The following GCN1 variants were observed in gnomAD, a reference collection of about 807,000 sequenced individuals.
The protein encoded by GCN1 is GCN1 activator of EIF2AK4.
In GCN1, 90 loss-of-function variants were observed where a neutral mutation model predicts 288.4. The observed-to-expected ratio is 0.31, with a 90% CI of 0.26 to 0.37. The LOEUF is 0.37. Ranked by LOEUF, GCN1 falls within the 10% of genes least tolerant of loss-of-function variation. The pLI is 1.00. For missense variants in GCN1, 2,586 were observed against 3,419.9 expected, an observed-to-expected ratio of 0.76 and a Z score of 6.08; for synonymous variants, 1,386 against 1,420.2, an observed-to-expected ratio of 0.98 and a Z score of 0.54.
Position 120,134,462 on chromosome 12 carries a change from C to T in GCN1, c.7203-57G>A. 6.3e-7 allele frequency: 1 copy of T among 1,592,602 alleles called. No individual in the cohort carries two copies. The highest frequency in any genetic ancestry group is 8.6e-7 in the Non-Finnish European group (1 of 1,160,990). ...GGTGCCTCCACCACCACCCCTCCTG[C>T]CAGCGCAGGCTCGGCCCACAGCAAC... On this transcript the variant is annotated intron_variant, in intron 52 of 57. Transcript: ENST00000300648. The surrounding 1 kb of genome is among the most constrained non-coding windows in gnomAD (Gnocchi z 5.0).
In GCN1 at chr12:120,178,859, C is replaced by G; in HGVS notation, c.518G>C (p.Trp173Ser). Residue 173 changes from tryptophan to serine, a missense_variant, in exon 6 of 58, where the codon TGG (tryptophan) becomes TCG (serine). Transcript: ENST00000300648. ...DGAVKKLTKLWKENPGLVEQY... is the reference protein window; with the variant it reads ...DGAVKKLTKLSKENPGLVEQY... ...CCCCTGCAGTCCTGTCACCTCTTTC[C>G]ACAGCTTCGTGAGTTTCTTCACAGC... 8 of 1,614,180 alleles carry G rather than the reference C, an allele frequency of 5.0e-6. No homozygotes were observed. Among genetic ancestry groups the G allele is most frequent in the Non-Finnish European group, 6.8e-6 (8 of 1,180,010 alleles).
chr12:120,129,605 CT>C (rs1298261606), intron 56 of GCN1, 111 bp from the exon 57 acceptor site: 4 of 774,260 alleles, frequency 5.2e-6, no homozygotes, highest in Admixed American at 1.9e-5. Context: ...CTGACCCCCC[CT>C]GCTCCTGTGG....
intron 2 of GCN1, 124 bp downstream of exon 2, chr12:120,190,174 G>A: frequency 1.6e-6 from 1 of 608,576 alleles, no homozygotes. Flanking sequence ...GCAATGAGCT[G>A]AGATCGTGCC....
In GCN1 at chr12:120,130,873, C is replaced by T. The variant is rs1390533415; in HGVS notation, c.7564-120G>A. The T allele has an allele frequency of 2.2e-5, 14 of 644,064 alleles. No homozygotes were observed. In the South Asian group the frequency reaches 2.4e-4, roughly 11 times the overall value. The allele number at this position is 644,064 out of a possible 1,614,324, so 39.9% of individuals were successfully genotyped here. A position where few individuals can be genotyped will look rare whatever the true frequency, so the allele number is the denominator to read the frequency against. ...TACATCACCACCACATCACCCCTTA[C>T]ACCATGACAGCTCTCAGGCAGGCTG... On this transcript the variant is annotated intron_variant, in intron 55 of 57. Coordinates refer to ENST00000300648, the MANE Select transcript of GCN1 (RefSeq NM_006836.2).
rs755254618 is a variant in GCN1 at position 120,136,568 on chromosome 12, C to T, written c.6942G>A (p.Leu2314=). ...TCACATTCCAGCTGAACCTGTCCCC[C>T]AGGATGCGGATCAGAGGGCCAGTGA... ...VSITGPLIRI[L]GDRFSWNVKA... Residue 2314 remains leucine (L), a synonymous_variant, in exon 51 of 58, where the codon CTG becomes CTA. Transcript: ENST00000300648. 4 of 1,614,192 alleles carry T rather than the reference C, an allele frequency of 2.5e-6. No homozygotes were observed. Among genetic ancestry groups the T allele is most frequent in the Non-Finnish European group, 3.4e-6 (4 of 1,180,036 alleles).
Position 120,164,408 on chromosome 12 carries a change from C to T in GCN1, c.1776G>A (p.Leu592=), listed in dbSNP as rs750504760. ...RQAQQTVRKL[L]SSLGGFKLAH... is the part of the protein sequence containing the mutation. ...CCAGCTTAAAGCCCCCAAGAGAGGA[C>T]AGCAGCTTCCGAACTGTCTGCTGAG... is the stretch of plus-strand genomic sequence containing the variant. The change falls in exon 18 of 58, where the codon CTG becomes CTA. Residue 592 remains leucine, a synonymous_variant. Transcript: ENST00000300648. 1.2e-6 allele frequency: 2 copies of T among 1,614,194 alleles called. No homozygotes were observed. Among genetic ancestry groups the T allele is most frequent in the Non-Finnish European group, 1.7e-6 (2 of 1,180,018 alleles).
intron 36 of GCN1, 114 bp downstream of exon 36, chr12:120,149,492 C>CCTAT: frequency 1.3e-6 from 1 of 742,240 alleles, no homozygotes; most frequent in Admixed American, 2.0e-5. Flanking sequence ...GAGTCTTAAC[C>CCTAT]CTATCCCTGG....
In GCN1 at chr12:120,140,730, G is replaced by A. The variant is rs765442403; in HGVS notation, c.5994+129C>T. On this transcript the variant is annotated intron_variant, in intron 45 of 57. Coordinates refer to ENST00000300648, the MANE Select transcript of GCN1 (RefSeq NM_006836.2). ...GTGGCCCAGCCAGCACCTCCCCAGA[G>A]TGAGACTGGCTCATCCCTGAGGGCA... 4.9e-6 allele frequency: 4 copies of A among 822,880 alleles called. No homozygotes were observed. In the South Asian group the frequency reaches 5.8e-5, roughly 12 times the overall value. 51.0% of individuals were successfully genotyped at this position (822,880 alleles called of 1,614,324 possible).
At chr12:120,175,481 T>C (rs558823820) in intron 11 of GCN1, among the ~76,000 whole-genome samples, 5 of 152,348 alleles carry the variant, frequency 3.3e-5, no homozygotes, top group Admixed American at 6.5e-5. Context: ...AGACATTTCT[T>C]TTCTGGTGTA....
Position 120,142,876 on chromosome 12 carries a change from G to T in GCN1, c.5561C>A (p.Thr1854Asn). 6.2e-7 allele frequency: 1 copy of T among 1,613,944 alleles called. No homozygotes were observed. Among genetic ancestry groups the T allele is most frequent in the Non-Finnish European group, 8.5e-7 (1 of 1,179,808 alleles). ...FHISGVTGKM[T>N]TETASEDDNF... ...ATCATCCTCAGAGGCAGTTTCTGTG[G>T]TCATCTTCCCAGTGACTCCTGAGAT... Residue 1854 changes from threonine (T) to asparagine (N), a missense_variant, in exon 43 of 58, where the codon ACC (threonine) becomes AAC (asparagine). Thr to Asn is a moderately conservative substitution (Grantham distance 65). Transcript: ENST00000300648. This position sits in a 1 kb window ranked among gnomAD's most constrained non-coding sequence, Gnocchi z 4.9.
rs1876926038 is a variant in GCN1, at chr12:120,134,338, G to A, written c.7270C>T (p.Arg2424Trp). ...AGCAGGAGTGAGACGATGTTTTTCC[G>A]GATGACGGCATCCACTTTGGCCCCT... is the stretch of plus-strand genomic sequence containing the variant. The part of the protein sequence containing the change: ...GAGAKVDAVI[R>W]KNIVSLLLSM... Residue 2424 changes from arginine to tryptophan, a missense_variant, in exon 53 of 58, where the codon CGG becomes TGG. By Grantham distance (101) the Arg-to-Trp change is moderately radical. This residue lies in a region of GCN1 where 355 missense variants were observed against 431.1 expected (regional missense o/e 0.82). Transcript: ENST00000300648. The surrounding 1 kb of genome is among the most constrained non-coding windows in gnomAD (Gnocchi z 5.0). The A allele has an allele frequency of 4.3e-6, 7 of 1,614,052 alleles. No individual in the cohort carries two copies. The highest frequency in any genetic ancestry group is 1.3e-5 in the African/African-American group (1 of 75,026).
intron 57 of GCN1, among the ~76,000 whole-genome samples, chr12:120,128,421 C>T (rs894350107): frequency 1.7e-4 from 26 of 151,954 alleles, no homozygotes; most frequent in Non-Finnish European, 3.5e-4. Flanking sequence ...ACACAACCTC[C>T]GCCTCCCAGG....
chr12:120,129,486 C>G lies in GCN1; in HGVS notation c.7680G>C (p.Gln2560His). 6.2e-7 allele frequency: 1 copy of G among 1,612,210 alleles called. No homozygotes were observed. Among genetic ancestry groups the G allele is most frequent in the Non-Finnish European group, 8.5e-7 (1 of 1,178,260 alleles). Reference sequence around the variant, plus strand: ...CCAGCCTGATGTCGCTGGATGGGTTCTGCAGACACTGTAAAAAGAACCACA... The same window carrying G: ...CCAGCCTGATGTCGCTGGATGGGTTGTGCAGACACTGTAAAAAGAACCACA... ...KLSSLFVKCL[Q>H]NPSSDIRLVA... The change falls in exon 57 of 58, where the codon CAG (glutamine) becomes CAC (histidine). Residue 2560 changes from glutamine (Q) to histidine (H), a missense_variant. Gln to His is a conservative substitution (Grantham distance 24). Coordinates refer to ENST00000300648, the MANE Select transcript of GCN1 (RefSeq NM_006836.2).
At position 120,129,389 on chromosome 12, in the gene GCN1, T is replaced by A; in HGVS notation, c.7777A>T (p.Ile2593Phe). 1 of 1,614,032 alleles carries A rather than the reference T, an allele frequency of 6.2e-7. No individual in the cohort carries two copies. Among genetic ancestry groups the A allele is most frequent in the East Asian group, 2.2e-5 (1 of 44,880 alleles). The stretch of plus-strand genomic sequence containing the variant: ...GTGTTGTCAAGAAGAGCCTTCAGGA[T>A]GGGCTTGATGGCCTGGGGGTCCAGG... ...PPLDPQAIKP[I>F]LKALLDNTKD... The change falls in exon 57 of 58, where the codon ATC becomes TTC. Residue 2593 changes from isoleucine to phenylalanine, a missense_variant. Physicochemically the swap from Ile to Phe is conservative, Grantham distance 21. Around this residue, in one of 8 missense-constraint regions of GCN1, gnomAD observed 355 missense variants for 431.1 expected, o/e 0.82. Coordinates refer to ENST00000300648, the MANE Select transcript of GCN1 (RefSeq NM_006836.2).
At chr12:120,172,027 A>AT (rs1037771064) in intron 14 of GCN1, among the ~76,000 whole-genome samples, 4 of 151,344 alleles carry the variant, frequency 2.6e-5, no homozygotes, top group Non-Finnish European at 5.9e-5. Context: ...ATGCCCAGCT[A>AT]TTTTTTTAAT....
intron 1 of GCN1, among the ~76,000 whole-genome samples, chr12:120,191,017 T>C (rs1345764221): frequency 6.6e-6 from 1 of 152,176 alleles, no homozygotes; most frequent in Non-Finnish European, 1.5e-5. Context: ...AGTTTTCTCA[T>C]CTATAAGATG....
Position 120,137,164 on chromosome 12 carries a change from A to T in GCN1, c.6777+42T>A, listed in dbSNP as rs752079525. 2.1e-6 allele frequency: 3 copies of T among 1,420,064 alleles called. No homozygotes were observed. The Admixed American group carries it at 5.0e-5, about 24-fold the overall frequency. 88.0% of individuals were successfully genotyped at this position (1,420,064 alleles called of 1,614,324 possible). A position where few individuals can be genotyped will look rare whatever the true frequency, so the allele number is the denominator to read the frequency against. ...GGGGTAAGGGCCAGAAGGGCACAAC[A>T]GACTGCACGCCCACAGCCCCCTGCA... On this transcript the variant is annotated intron_variant, in intron 50 of 57. Coordinates refer to ENST00000300648, the MANE Select transcript of GCN1 (RefSeq NM_006836.2). This position sits in a 1 kb window ranked among gnomAD's most constrained non-coding sequence, Gnocchi z 5.2.
At position 120,145,312 on chromosome 12, in the gene GCN1, G is replaced by T; in HGVS notation, c.4966C>A (p.Pro1656Thr). The T allele has an allele frequency of 6.3e-7, 1 of 1,597,174 alleles. No homozygotes were observed. Among genetic ancestry groups the T allele is most frequent in the South Asian group, 1.1e-5 (1 of 88,890 alleles). ...GCTTTCAGGCCAGGCGTCACGCTGG[G>T]CAGGTACGGAGCCAAGTCCTGCAAC... ...TDQKDLAPYL[P>T]SVTPGLKASL... is the part of the protein sequence containing the mutation. Residue 1656 changes from proline to threonine, a missense_variant, in exon 39 of 58, where the codon CCC (proline) becomes ACC (threonine). By Grantham distance (38) the Pro-to-Thr change is conservative (BLOSUM62 -1). This residue lies in a region of GCN1 where 371 missense variants were observed against 572.6 expected (regional missense o/e 0.65). Coordinates refer to ENST00000300648, the MANE Select transcript of GCN1 (RefSeq NM_006836.2).
intron 5 of GCN1, among the ~76,000 whole-genome samples, chr12:120,180,618 A>G (rs571733802): frequency 2.0e-4 from 31 of 152,062 alleles, no homozygotes; most frequent in African/African-American, 7.2e-4. Flanking sequence ...AAAAACAAAC[A>G]AAAATCTCAG....
Sources: allele counts gnomAD v4.1 joint callset (sites outside exome capture counted in the v4.1 genomes callset), GRCh38; gene constraint gnomAD v4.1.1; regional missense constraint gnomAD v4.1.1; non-coding constraint Gnocchi (gnomAD v3.1); transcripts MANE v1.5; gene names NCBI Gene and HGNC (gene_info 2026-07-23, HGNC 2026-07-21).